ADGRL3: variants seen among roughly 807,000 people sequenced by gnomAD.
ADGRL3 encodes the protein calcium-independent alpha-latrotoxin receptor 3.
A neutral mutation model predicts 153.5 loss-of-function variants in ADGRL3; 62 were observed. The observed-to-expected ratio is 0.40, with a 90% CI of 0.33 to 0.50. The LOEUF (loss-of-function observed/expected upper bound fraction) is 0.50. Ranked by LOEUF, ADGRL3 falls within the 20% of genes least tolerant of loss-of-function variation. The pLI, the probability that ADGRL3 is intolerant of heterozygous loss-of-function variation, is 0.47. For synonymous variants in ADGRL3, 710 were observed against 672.5 expected (o/e 1.06, Z -0.86); for missense variants, 1,641 against 1,859.4 (o/e 0.88, Z 2.16).
rs147284417 is a variant in ADGRL3 at position 61,348,410 on chromosome 4, C to T, written c.-239-34714C>T. Reference sequence around the variant, plus strand: ...TTCTGTAATTATTCTTCCCTGAATACTTCAATGAGATCACGTAATAAATAT... The same window carrying T: ...TTCTGTAATTATTCTTCCCTGAATATTTCAATGAGATCACGTAATAAATAT... On this transcript the variant is annotated intron_variant, in intron 1 of 26. Transcript: ENST00000683033. Among the ~76,000 whole-genome samples, 1,050 of 152,014 alleles carry T rather than the reference C, an allele frequency of 6.9e-3. 11 individuals are homozygous for T. Among genetic ancestry groups the T allele is most frequent in the African/African-American group, 0.024 (1,009 of 41,508 alleles).
At chr4:62,031,858 A>T (rs1331563864) in intron 23 of ADGRL3, among the ~76,000 whole-genome samples, 2 of 151,432 alleles carry the variant, frequency 1.3e-5, no homozygotes, top group Non-Finnish European at 3.0e-5. Flanking sequence ...TTTCTTATAG[A>T]TTTGACTTTA....
chr4:61,578,138 C>T (rs1336726216), intron 4 of ADGRL3, among the ~76,000 whole-genome samples: 1 of 151,904 alleles, frequency 6.6e-6, no homozygotes, highest in Admixed American at 6.6e-5. Flanking sequence ...TCTTGTATTT[C>T]CTTACATATT....
intron 4 of ADGRL3, chr4:61,583,582 G>A: frequency 2.1e-6 from 1 of 469,714 alleles, no homozygotes; most frequent in South Asian, 1.5e-5. Flanking sequence ...GTGATCAAAA[G>A]CACTTTTCAC....
intron 2 of ADGRL3, among the ~76,000 whole-genome samples, chr4:61,402,339 A>C (rs2096939441): frequency 6.6e-6 from 1 of 152,136 alleles, no homozygotes; most frequent in African/African-American, 2.4e-5. Flanking sequence ...TTTAAAAATT[A>C]TTCTTTGCTT....
chr4:61,825,892 T>C (rs1374593409), intron 9 of ADGRL3, among the ~76,000 whole-genome samples: 1 of 152,190 alleles, frequency 6.6e-6, no homozygotes, highest in Non-Finnish European at 1.5e-5. Flanking sequence ...ATGAGGGGTG[T>C]AGGGAGACAC....
At chr4:61,419,156 A>C (rs1420327033) in intron 2 of ADGRL3, among the ~76,000 whole-genome samples, 1 of 150,760 alleles carries the variant, frequency 6.6e-6, no homozygotes, top group Non-Finnish European at 1.5e-5. Context: ...AGGTCTTTGG[A>C]AACTGCTATT....
At chr4:61,868,815 G>A (rs2098418123) in intron 9 of ADGRL3, among the ~76,000 whole-genome samples, 1 of 152,082 alleles carries the variant, frequency 6.6e-6, no homozygotes, top group African/African-American at 2.4e-5. Context: ...TGCCTGCCTT[G>A]GTTCCTATGC....
chr4:61,804,787 C>G (rs918787852), intron 8 of ADGRL3, among the ~76,000 whole-genome samples: 2 of 152,180 alleles, frequency 1.3e-5, no homozygotes, highest in East Asian at 3.9e-4. Flanking sequence ...TGTCACACTA[C>G]ATCATTGATA....
chr4:61,709,103 C>T (rs1018652277), intron 6 of ADGRL3, among the ~76,000 whole-genome samples: 1 of 152,124 alleles, frequency 6.6e-6, no homozygotes, highest in African/African-American at 2.4e-5. Context: ...GCCACTGCAC[C>T]CGGCTCAGTT....
Position 61,517,528 on chromosome 4 carries a change from G to C in ADGRL3, c.259+10G>C, listed in dbSNP as rs2098504393. The C allele has an allele frequency of 1.4e-6, 1 of 703,368 alleles. No homozygotes were observed. The highest frequency in any genetic ancestry group is 1.7e-5 in the African/African-American group (1 of 57,240). The allele number at this position is 703,368 out of a possible 1,614,324, so 43.6% of individuals were successfully genotyped here. A position where few individuals can be genotyped will look rare whatever the true frequency, so the allele number is the denominator to read the frequency against. On this transcript the variant is annotated intron_variant, in intron 4 of 26. Coordinates refer to ENST00000683033, the MANE Select transcript of ADGRL3 (RefSeq NM_001387552.1). ...CAGATTGCAGCGCAAGGTGCGGCCA[G>C]CGGTGGGGAGAGAGGGCTGGGGGTG... is the stretch of plus-strand genomic sequence containing the variant.
chr4:61,200,575 T>TGCCGCC lies in ADGRL3; in HGVS notation c.-1426_-1421dup, dbSNP rs1044812352. ...TCGTTGCCTCCGCTCCGGCAGCTGC[T>TGCCGCC]GCCGCCGCCACCGCCGCCTGTGACT... On this transcript the variant is annotated 5_prime_UTR_variant, in exon 1 of 27. Coordinates refer to ENST00000683033, the MANE Select transcript of ADGRL3 (RefSeq NM_001387552.1). 1.3e-5 allele frequency among the ~76,000 whole-genome samples: 2 copies of TGCCGCC among 151,564 alleles called. No homozygotes were observed. The highest frequency in any genetic ancestry group is 1.3e-4 in the Admixed American group (2 of 15,230).
At chr4:61,765,038 A>T (rs969850898) in intron 8 of ADGRL3, among the ~76,000 whole-genome samples, 1 of 152,162 alleles carries the variant, frequency 6.6e-6, no homozygotes, top group African/African-American at 2.4e-5. Flanking sequence ...GACTCAGGAT[A>T]TCTGATTAGA....
At chr4:61,886,467 G>C (rs1310467523) in intron 9 of ADGRL3, among the ~76,000 whole-genome samples, 1 of 152,144 alleles carries the variant, frequency 6.6e-6, no homozygotes, top group Non-Finnish European at 1.5e-5. Context: ...GTCTACTAGA[G>C]TGAAGTTAGC....
At chr4:61,745,033 G>A (rs2096636686) in intron 8 of ADGRL3, among the ~76,000 whole-genome samples, 1 of 152,222 alleles carries the variant, frequency 6.6e-6, no homozygotes, top group Non-Finnish European at 1.5e-5. Flanking sequence ...AGCTGATGGA[G>A]CTGAGAACCA....
At chr4:61,319,954 A>T (rs62314360) in intron 1 of ADGRL3, among the ~76,000 whole-genome samples, 22,886 of 152,136 alleles carry the variant, frequency 0.15, 2,257 homozygotes, top group Non-Finnish European at 0.21. Flanking sequence ...ATATGATTGT[A>T]TTTGGAAATA....
chr4:61,249,137 GT>G (rs945714147), intron 1 of ADGRL3, among the ~76,000 whole-genome samples: 8 of 152,126 alleles, frequency 5.3e-5, no homozygotes, highest in African/African-American at 1.9e-4. Flanking sequence ...TGAAGTACGG[GT>G]TTTTTTGCAG....
chr4:61,865,777 T>C (rs547478735), intron 9 of ADGRL3, among the ~76,000 whole-genome samples: 23 of 152,282 alleles, frequency 1.5e-4, no homozygotes, highest in East Asian at 3.9e-4. Context: ...ATGGTTAAGA[T>C]GGAAGGAAGA....
chr4:61,384,010 A>T (rs1261084211), intron 2 of ADGRL3, among the ~76,000 whole-genome samples: 1 of 151,892 alleles, frequency 6.6e-6, no homozygotes, highest in Non-Finnish European at 1.5e-5. Flanking sequence ...TTCATATTAA[A>T]ATGATTTAAG....
chr4:61,352,509 C>T (rs1343906756), intron 1 of ADGRL3, among the ~76,000 whole-genome samples: 1 of 151,832 alleles, frequency 6.6e-6, no homozygotes, highest in Non-Finnish European at 1.5e-5. Context: ...CTCAGCCTCC[C>T]GAGTAGCTGG....
Sources: gnomAD v4.1 joint callset for allele counts (sites outside exome capture counted in the v4.1 genomes callset) on GRCh38, gnomAD v4.1.1 for gene constraint, MANE v1.5 for transcripts, NCBI Gene and HGNC (gene_info 2026-07-23, HGNC 2026-07-21) for gene names.